The following CFTR variants were observed in gnomAD, a reference collection of about 807,000 sequenced individuals.
CFTR encodes cystic fibrosis transmembrane conductance regulator.
CFTR carries 181 observed loss-of-function variants against 171.6 expected under a neutral mutation model. The ratio of observed to expected loss-of-function variants is 1.05; its 90% confidence interval spans 0.93 to 1.19. CFTR has a LOEUF of 1.19. CFTR is among the 50% of genes most tolerant of loss of function. CFTR has a pLI of 0.00. For synonymous variants in CFTR, 583 were observed against 608.0 expected (o/e 0.96, Z 0.60); for missense variants, 1,968 against 1,734.7 (o/e 1.13, Z -2.39).
intron 1 of CFTR, among the ~76,000 whole-genome samples, chr7:117,484,526 A>G (rs938779306): frequency 1.2e-4 from 18 of 152,104 alleles, no homozygotes; most frequent in Admixed American, 1.2e-3. Flanking sequence ...CAGTCCCTCA[A>G]TAGTCTTTTC....
chr7:117,488,072 T>C (rs1265751079), intron 1 of CFTR: 2 of 152,262 alleles, frequency 1.3e-5, no homozygotes, highest in East Asian at 3.9e-4. Context: ...GCATCACTTT[T>C]TCGACCAAAG....
chr7:117,652,776 A>G (rs140057824), intron 23 of CFTR, 66 bp from the exon 24 acceptor site: 26 of 806,010 alleles, frequency 3.2e-5, no homozygotes, highest in Middle Eastern at 3.5e-4. Context: ...TTACAATACA[A>G]TAAGGGAAAA....
chr7:117,602,190 G>A (rs1242910331), intron 15 of CFTR, among the ~76,000 whole-genome samples: 2 of 152,174 alleles, frequency 1.3e-5, no homozygotes, highest in East Asian at 3.9e-4. Flanking sequence ...ACACCACCAG[G>A]CCTGGCTAAT....
intron 20 of CFTR, among the ~76,000 whole-genome samples, chr7:117,612,048 T>TATATATAC (rs1792413504): frequency 2.7e-5 from 2 of 74,132 alleles, no homozygotes; most frequent in Middle Eastern, 5.4e-3. Flanking sequence ...TATATATATA[T>TATATATAC]ATATACATAT....
chr7:117,617,802 T>C (rs1792517057), intron 21 of CFTR, among the ~76,000 whole-genome samples: 1 of 152,166 alleles, frequency 6.6e-6, no homozygotes, highest in East Asian at 1.9e-4. Flanking sequence ...CCCCATTTCT[T>C]TGACCTACAT....
rs34027651 is a variant in CFTR at position 117,566,617 on chromosome 7, A to G, written c.1584+6962A>G. Reference sequence around the variant, plus strand: ...AATAACTTAAAAAAAAAAAAAAACTATTGAACCAGAACCAAACAGGAATGC... The same window carrying G: ...AATAACTTAAAAAAAAAAAAAAACTGTTGAACCAGAACCAAACAGGAATGC... On this transcript the variant is annotated intron_variant, in intron 11 of 26. Transcript: ENST00000003084. Among the ~76,000 whole-genome samples, 75 of 151,184 alleles carry G rather than the reference A, an allele frequency of 5.0e-4. No individual in the cohort carries two copies. The East Asian group carries it at 0.013, about 27-fold the overall frequency.
At chr7:117,589,030 A>G (rs1442554463) in intron 12 of CFTR, among the ~76,000 whole-genome samples, 1 of 152,112 alleles carries the variant, frequency 6.6e-6, no homozygotes, top group Non-Finnish European at 1.5e-5. Flanking sequence ...GACATCCAAC[A>G]TAGAACTGAG....
At chr7:117,638,237 G>A (rs1487983478) in intron 22 of CFTR, among the ~76,000 whole-genome samples, 1 of 152,136 alleles carries the variant, frequency 6.6e-6, no homozygotes, top group Non-Finnish European at 1.5e-5. Context: ...AAGAAAAGTT[G>A]TTTATTTTTC....
At chr7:117,487,879 T>C (rs1421775102) in intron 1 of CFTR, 1 of 152,128 alleles carries the variant, frequency 6.6e-6, no homozygotes, top group South Asian at 2.1e-4. Flanking sequence ...GGGCTAAACC[T>C]TAGAGTCCAG....
chr7:117,593,058 T>C (rs1010004720), intron 14 of CFTR, among the ~76,000 whole-genome samples: 3 of 152,210 alleles, frequency 2.0e-5, no homozygotes, highest in Non-Finnish European at 4.4e-5. Context: ...GGAAGTAGCA[T>C]ATATAAGGTA....
intron 11 of CFTR, among the ~76,000 whole-genome samples, chr7:117,583,834 CTAT>C (rs1791889585): frequency 6.6e-6 from 1 of 152,076 alleles, no homozygotes; most frequent in South Asian, 2.1e-4. Context: ...ATGCCAACAT[CTAT>C]TATTTTTTGA....
rs397508455 is a variant in CFTR at position 117,606,659 on chromosome 7, T to C, written c.2909-15T>C. 2.9e-6 allele frequency: 4 copies of C among 1,378,780 alleles called. No individual in the cohort carries two copies. Among genetic ancestry groups the C allele is most frequent in the South Asian group, 1.2e-5 (1 of 86,122 alleles). The allele number at this position is 1,378,780 out of a possible 1,614,324, so 85.4% of individuals were successfully genotyped here. A position where few individuals can be genotyped will look rare whatever the true frequency, so the allele number is the denominator to read the frequency against. ...TTAGTGTTTTTTGAGGAATTTGTCATCTTGTATATTATAGGTGGGATTCTT... is the reference window on the plus strand; with the variant it reads ...TTAGTGTTTTTTGAGGAATTTGTCACCTTGTATATTATAGGTGGGATTCTT... On this transcript the variant is annotated splice_polypyrimidine_tract_variant and intron_variant, in intron 17 of 26. Transcript: ENST00000003084.
At chr7:117,484,244 T>G in intron 1 of CFTR, among the ~76,000 whole-genome samples, 1 of 152,190 alleles carries the variant, frequency 6.6e-6, no homozygotes, top group East Asian at 1.9e-4. Context: ...AAACCTTAGG[T>G]TATCCAAATC....
intron 15 of CFTR, among the ~76,000 whole-genome samples, chr7:117,596,194 G>A (rs1484127232): frequency 1.3e-5 from 2 of 152,128 alleles, no homozygotes; most frequent in African/African-American, 4.8e-5. Flanking sequence ...TTGTGGGCCA[G>A]CGCGAGTTCT....
intron 21 of CFTR, among the ~76,000 whole-genome samples, chr7:117,617,267 A>C (rs1462213176): frequency 6.6e-6 from 1 of 152,004 alleles, no homozygotes; most frequent in East Asian, 1.9e-4. Flanking sequence ...AAGTTATAAA[A>C]ATGACAGTGT....
rs1266011865 is a variant in CFTR, at chr7:117,664,678, C to T, written c.3964-10C>T. On this transcript the variant is annotated splice_polypyrimidine_tract_variant and intron_variant, in intron 24 of 26. Coordinates refer to ENST00000003084, the MANE Select transcript of CFTR (RefSeq NM_000492.4). ...CTCTGTGGTATCTGAACTATCTTCT[C>T]TAACTGCAGGTTGGGCTCAGATCTG... is the stretch of plus-strand genomic sequence containing the variant. The T allele has an allele frequency of 6.2e-7, 1 of 1,613,350 alleles. No individual in the cohort carries two copies.
At chr7:117,593,041 T>A (rs891605816) in intron 14 of CFTR, among the ~76,000 whole-genome samples, 1 of 152,230 alleles carries the variant, frequency 6.6e-6, no homozygotes, top group African/African-American at 2.4e-5. Flanking sequence ...CGCAAAATAA[T>A]CTGTATGGAA....
chr7:117,656,970 C>T (rs915844437), intron 24 of CFTR, among the ~76,000 whole-genome samples: 1 of 152,108 alleles, frequency 6.6e-6, no homozygotes, highest in Non-Finnish European at 1.5e-5. Context: ...TTAGATTAAC[C>T]GTTTTCATTA....
intron 24 of CFTR, among the ~76,000 whole-genome samples, chr7:117,654,375 C>A (rs914501523): frequency 1.3e-5 from 2 of 152,146 alleles, no homozygotes; most frequent in Non-Finnish European, 2.9e-5. Context: ...TGCATGAGTG[C>A]TGGGGTCTGC....
Sources: gnomAD v4.1 joint callset for allele counts (sites outside exome capture counted in the v4.1 genomes callset) on GRCh38, gnomAD v4.1.1 for gene constraint, MANE v1.5 for transcripts, NCBI Gene and HGNC (gene_info 2026-07-23, HGNC 2026-07-21) for gene names.